Variants in NCOA1 observed in about 807,000 individuals in gnomAD.
NCOA1 encodes Hin-2 protein.
NCOA1 carries 35 observed loss-of-function variants against 150.9 expected under a neutral mutation model. The ratio of observed to expected loss-of-function variants is 0.23; its 90% CI spans 0.18 to 0.31. The LOEUF (loss-of-function observed/expected upper bound fraction) is 0.31, where lower values mean the gene tolerates loss of function less well. Among genes scored for constraint, NCOA1 ranks in the 10% least tolerant of loss-of-function variants. The pLI is 1.00. For missense variants in NCOA1, 1,491 were observed against 1,749.3 expected (o/e 0.85, Z 2.63); for synonymous variants, 590 against 630.0 (o/e 0.94, Z 0.95).
At chr2:24,614,199 C>T (rs377081995) in intron 3 of NCOA1, among the ~76,000 whole-genome samples, 38 of 9,150 alleles carry the variant, frequency 4.2e-3, no homozygotes, top group African/African-American at 6.6e-3. Flanking sequence ...CATTTCCATT[C>T]TTTTTTTTTT....
At chr2:24,724,870 T>C (rs1395990052) in intron 14 of NCOA1, among the ~76,000 whole-genome samples, 2 of 152,142 alleles carry the variant, frequency 1.3e-5, no homozygotes, top group South Asian at 2.1e-4. Context: ...AACTTTCTGA[T>C]TTAAATAATG....
chr2:24,576,170 G>GTTTTTGTTTTTGTTTTTTTTTTTTT (rs1666967476), intron 2 of NCOA1, among the ~76,000 whole-genome samples: 2 of 46,328 alleles, frequency 4.3e-5, no homozygotes, highest in African/African-American at 1.3e-4. Context: ...TTTGTTTTTT[G>GTTTTTGTTTTTGTTTTTTTTTTTTT]TTTTTTTTTT....
At chr2:24,576,530 C>A (rs1270422435) in intron 2 of NCOA1, among the ~76,000 whole-genome samples, 1 of 152,150 alleles carries the variant, frequency 6.6e-6, no homozygotes, top group Non-Finnish European at 1.5e-5. Context: ...CCTGCTCTGA[C>A]TGGTATCTAA....
At position 24,752,006 on chromosome 2, in the gene NCOA1, A is replaced by G. The variant is rs375021050; in HGVS notation, c.3731A>G (p.Asn1244Ser). 84 of 1,613,534 alleles carry G rather than the reference A, an allele frequency of 5.2e-5. 2 individuals are homozygous for G. Among genetic ancestry groups the G allele is most frequent in the Non-Finnish European group, 5.1e-5 (60 of 1,179,762 alleles). ...GGAATGGTTCCCCAAGGTGAGGCCA[A>G]CTTTGCTCCATCTCTAAGCCCTGGG... ...GAGMVPQGEA[N>S]FAPSLSPGSS... is the part of the protein sequence containing the mutation. The change falls in exon 20 of 23, where the codon AAC (asparagine) becomes AGC (serine). Residue 1244 changes from asparagine (N) to serine (S), a missense_variant. Asn to Ser is a conservative substitution (Grantham distance 46). Transcript: ENST00000348332.
intron 2 of NCOA1, among the ~76,000 whole-genome samples, chr2:24,565,475 TCTTAA>T (rs1487666507): frequency 6.6e-6 from 1 of 152,210 alleles, no homozygotes; most frequent in African/African-American, 2.4e-5. Flanking sequence ...TTACTAGGAT[TCTTAA>T]CTTTGTTCTG....
intron 5 of NCOA1, among the ~76,000 whole-genome samples, chr2:24,663,461 G>C (rs1351484081): frequency 1.3e-5 from 2 of 152,090 alleles, no homozygotes; most frequent in Non-Finnish European, 2.9e-5. Context: ...GTAGTACATG[G>C]TTATCTGGCA....
intron 19 of NCOA1, among the ~76,000 whole-genome samples, chr2:24,743,529 G>T (rs540835206): frequency 4.6e-5 from 7 of 152,330 alleles, no homozygotes; most frequent in Admixed American, 1.3e-4. Flanking sequence ...CTGTGTGGGC[G>T]AGAAAAGGAT....
chr2:24,638,292 T>C (rs1160571301), intron 3 of NCOA1, among the ~76,000 whole-genome samples: 1 of 151,088 alleles, frequency 6.6e-6, no homozygotes, highest in Admixed American at 6.6e-5. Flanking sequence ...TCCAGTCACA[T>C]TGCCATGAAT....
chr2:24,627,332 A>G lies in NCOA1; in HGVS notation c.-174-16634A>G, dbSNP rs535490184. Among the ~76,000 whole-genome samples, 11 of 152,064 alleles carry G rather than the reference A, an allele frequency of 7.2e-5. 1 individual carries two copies. The South Asian group carries it at 8.3e-4, about 11-fold the overall frequency. On this transcript the variant is annotated intron_variant, in intron 3 of 22. Coordinates refer to ENST00000348332, the MANE Select transcript of NCOA1 (RefSeq NM_003743.5). ...AAGTACAGATGCTGGTCACTACTCT[A>G]CTTTAAAAGGTAATATGTAATTTAG...
In NCOA1 at chr2:24,768,840, C is replaced by A. The variant is rs898387656; in HGVS notation, c.*449C>A. ...CCTGTGCCCGTCCACCAAAGGCTGT[C>A]ATGTGTCTCGAAATCAGCAGCCCTC... is the stretch of plus-strand genomic sequence containing the variant. On this transcript the variant is annotated 3_prime_UTR_variant, in exon 23 of 23. Transcript: ENST00000348332. 3 of 224,664 alleles carry A rather than the reference C, an allele frequency of 1.3e-5. No individual in the cohort carries two copies. The highest frequency in any genetic ancestry group is 6.7e-5 in the African/African-American group (3 of 44,814). The allele number at this position is 224,664 out of a possible 1,614,324, so 13.9% of individuals were successfully genotyped here.
chr2:24,701,575 C>G (rs1024081447), intron 11 of NCOA1, among the ~76,000 whole-genome samples: 18 of 150,700 alleles, frequency 1.2e-4, no homozygotes, highest in Admixed American at 3.3e-4. Context: ...TTTTACATAT[C>G]TTTCTATTTA....
intron 1 of NCOA1, among the ~76,000 whole-genome samples, chr2:24,545,299 G>C (rs115661251): frequency 6.6e-6 from 1 of 152,148 alleles, no homozygotes; most frequent in Admixed American, 6.5e-5. Context: ...AGGACAGGGG[G>C]TTGGTAAAGG....
intron 22 of NCOA1, among the ~76,000 whole-genome samples, chr2:24,766,301 CATCTT>C (rs1320371337): frequency 6.6e-6 from 1 of 152,210 alleles, no homozygotes; most frequent in Non-Finnish European, 1.5e-5. Context: ...GGGACAAAAA[CATCTT>C]ATGCTCTGCC....
Position 24,648,430 on chromosome 2 carries a change from A to C in NCOA1, c.-18+4308A>C, listed in dbSNP as rs1056250790. Among the ~76,000 whole-genome samples, 3 of 151,874 alleles carry C rather than the reference A, an allele frequency of 2.0e-5. No homozygotes were observed. In the South Asian group the frequency reaches 6.2e-4, roughly 32 times the overall value. On this transcript the variant is annotated intron_variant, in intron 4 of 22. Coordinates refer to ENST00000348332, the MANE Select transcript of NCOA1 (RefSeq NM_003743.5). ...TGGGATTACAGGCATCCGCCACCAC[A>C]CCTGGCTAATTTTTGTATTTTTAGT...
At chr2:24,611,648 A>T (rs1203835080) in intron 3 of NCOA1, among the ~76,000 whole-genome samples, 1 of 152,162 alleles carries the variant, frequency 6.6e-6, no homozygotes, top group Non-Finnish European at 1.5e-5. Flanking sequence ...TTTTTGTTGA[A>T]TTGAACCCTT....
intron 20 of NCOA1, among the ~76,000 whole-genome samples, chr2:24,753,872 C>A (rs1005036922): frequency 6.6e-6 from 1 of 152,174 alleles, no homozygotes; most frequent in Non-Finnish European, 1.5e-5. Context: ...GAACACCATA[C>A]TCTATATTCA....
intron 1 of NCOA1, among the ~76,000 whole-genome samples, chr2:24,495,481 C>T (rs1226945667): frequency 1.3e-5 from 2 of 152,066 alleles, no homozygotes; most frequent in African/African-American, 2.4e-5. Context: ...CTTACCACTC[C>T]CCGAGAGTAT....
intron 11 of NCOA1, among the ~76,000 whole-genome samples, chr2:24,700,841 T>A (rs981245031): frequency 6.6e-6 from 1 of 152,192 alleles, no homozygotes; most frequent in Admixed American, 6.5e-5. Context: ...GAGTCTATAG[T>A]CTAAGATGTT....
At chr2:24,670,772 G>A (rs1474339704) in intron 6 of NCOA1, among the ~76,000 whole-genome samples, 1 of 152,160 alleles carries the variant, frequency 6.6e-6, no homozygotes, top group African/African-American at 2.4e-5. Context: ...GCACAATTCT[G>A]TGAATATACT....
Sources: allele counts gnomAD v4.1 joint callset (sites outside exome capture counted in the v4.1 genomes callset), GRCh38; gene constraint gnomAD v4.1.1; transcripts MANE v1.5; gene names NCBI Gene and HGNC (gene_info 2026-07-23, HGNC 2026-07-21).